TTYH2: variants seen among roughly 807,000 people sequenced by gnomAD.
TTYH2 encodes protein tweety homolog 2.
In TTYH2, 49 loss-of-function variants were observed where a neutral mutation model predicts 68.3. That is an observed-to-expected ratio of 0.72 (90% CI 0.57 to 0.91). TTYH2 has a LOEUF of 0.91. Ranked by LOEUF, TTYH2 falls within the 40% of genes least tolerant of loss-of-function variation. TTYH2 has a pLI of 0.00. For missense variants in TTYH2, 631 were observed against 700.4 expected, an observed-to-expected ratio of 0.90 and a Z score of 1.12; for synonymous variants, 272 against 300.8, an observed-to-expected ratio of 0.90 and a Z score of 0.99.
At chr17:74,223,903 C>T (rs1479748670) in intron 2 of TTYH2, among the ~76,000 whole-genome samples, 1 of 152,196 alleles carries the variant, frequency 6.6e-6, no homozygotes, top group Non-Finnish European at 1.5e-5. Context: ...TAGTGGGAGG[C>T]TCACCTAAGC....
At chr17:74,247,352 A>G (rs2050569579) in intron 6 of TTYH2, among the ~76,000 whole-genome samples, 1 of 152,126 alleles carries the variant, frequency 6.6e-6, no homozygotes, top group African/African-American at 2.4e-5. Context: ...CACACACACA[A>G]GGGCATCACA....
intron 4 of TTYH2, among the ~76,000 whole-genome samples, chr17:74,238,967 T>A (rs115831078): frequency 0.01 from 1,538 of 151,888 alleles, 27 homozygotes; most frequent in African/African-American, 0.036. Context: ...CACCTCAGCC[T>A]CCCAAAGTCC....
chr17:74,248,482 T>C, intron 6 of TTYH2: 1 of 988,542 alleles, frequency 1.0e-6, no homozygotes, highest in Non-Finnish European at 1.2e-6. Context: ...CACCCAAGGC[T>C]CACAGATGCT....
intron 13 of TTYH2, among the ~76,000 whole-genome samples, chr17:74,256,678 A>T (rs765978399): frequency 6.9e-6 from 1 of 144,316 alleles, no homozygotes; most frequent in Non-Finnish European, 1.5e-5. Flanking sequence ...GAGACAGAGT[A>T]TCACTCTGTG....
chr17:74,240,066 G>A (rs1370801961), intron 4 of TTYH2, among the ~76,000 whole-genome samples: 1 of 152,172 alleles, frequency 6.6e-6, no homozygotes, highest in South Asian at 2.1e-4. Context: ...TGGAAGGATG[G>A]TGTCAACTGC....
At chr17:74,255,338 C>T (rs1364998266) in intron 13 of TTYH2, among the ~76,000 whole-genome samples, 1 of 152,346 alleles carries the variant, frequency 6.6e-6, no homozygotes, top group East Asian at 1.9e-4. Flanking sequence ...GTTATCAGAG[C>T]GTACGTGCGA....
At chr17:74,258,528 A>G (rs2050715526) in intron 13 of TTYH2, among the ~76,000 whole-genome samples, 1 of 151,940 alleles carries the variant, frequency 6.6e-6, no homozygotes, top group Non-Finnish European at 1.5e-5. Context: ...CGGCTTCCCA[A>G]AGTGCTGGGA....
chr17:74,233,611 C>T (rs2050412146), intron 3 of TTYH2, among the ~76,000 whole-genome samples: 1 of 152,138 alleles, frequency 6.6e-6, no homozygotes. Context: ...CAACAAGAAG[C>T]CCTCTAGGGA....
At chr17:74,253,639 G>T in intron 12 of TTYH2, 116 bp from the exon 13 acceptor site, 1 of 958,794 alleles carries the variant, frequency 1.0e-6, no homozygotes, top group Non-Finnish European at 1.7e-6. Context: ...CTCTATCTGT[G>T]GTTTGGTTCC....
intron 10 of TTYH2, 193 bp from the exon 11 acceptor site, chr17:74,252,041 G>A (rs745973687): frequency 2.9e-5 from 19 of 656,914 alleles, no homozygotes; most frequent in African/African-American, 1.5e-4. Flanking sequence ...TGTTTCCAGC[G>A]TGAACCCAAG....
intron 12 of TTYH2, 48 bp from the exon 13 acceptor site, chr17:74,253,703 ACACC>A: frequency 6.3e-7 from 1 of 1,580,754 alleles, no homozygotes; most frequent in South Asian, 1.1e-5. Flanking sequence ...AAATCTACAC[ACACC>A]CCCACTCCCA....
chr17:74,233,100 A>G (rs1361659825), intron 3 of TTYH2, among the ~76,000 whole-genome samples: 1 of 152,084 alleles, frequency 6.6e-6, no homozygotes, highest in Non-Finnish European at 1.5e-5. Context: ...AAGTGAGGTC[A>G]GGAGTCCCAG....
chr17:74,253,176 G>A lies in TTYH2; in HGVS notation c.1355G>A (p.Ser452Asn), dbSNP rs146332173. Reference protein sequence around the residue: ...AHSPPRGQLHSFCSYSSGLGS... With the variant: ...AHSPPRGQLHNFCSYSSGLGS... ...AGTCCCCCGAGGGGACAGCTTCACA[G>A]CTTCTGCAGCTACAGCAGTGGCCTG... Residue 452 changes from serine (S) to asparagine (N), a missense_variant, in exon 12 of 14, where the codon AGC becomes AAC. Coordinates refer to ENST00000269346, the MANE Select transcript of TTYH2 (RefSeq NM_032646.6). The A allele has an allele frequency of 7.7e-5, 125 of 1,613,910 alleles. No individual in the cohort carries two copies. The highest frequency in any genetic ancestry group is 1.0e-4 in the Non-Finnish European group (120 of 1,179,990).
chr17:74,253,371 T>C (rs1371100837), intron 12 of TTYH2, 105 bp downstream of exon 12: 1 of 1,365,792 alleles, frequency 7.3e-7, no homozygotes, highest in African/African-American at 1.5e-5. Flanking sequence ...AGGCCACCCG[T>C]GGTCCCCACT....
intron 6 of TTYH2, among the ~76,000 whole-genome samples, chr17:74,245,878 CCT>C (rs1460307013): frequency 1.3e-5 from 2 of 152,098 alleles, no homozygotes; most frequent in Non-Finnish European, 2.9e-5. Flanking sequence ...ATTGACAAGG[CCT>C]CCCTTCCCCA....
At chr17:74,229,048 G>A (rs564408742) in intron 2 of TTYH2, among the ~76,000 whole-genome samples, 1 of 152,300 alleles carries the variant, frequency 6.6e-6, no homozygotes, top group Non-Finnish European at 1.5e-5. Context: ...TCCAGGGGGT[G>A]AGTGGTTTAA....
intron 13 of TTYH2, chr17:74,256,760 T>C (rs981457403): frequency 1.3e-5 from 2 of 152,292 alleles, no homozygotes; most frequent in African/African-American, 4.8e-5. Context: ...GCAATTCTCA[T>C]GCCTCAGCCT....
chr17:74,230,426 A>G (rs560360848), intron 2 of TTYH2, among the ~76,000 whole-genome samples: 1 of 152,072 alleles, frequency 6.6e-6, no homozygotes, highest in South Asian at 2.1e-4. Context: ...GTCCAAACCT[A>G]TAGAATGTGC....
chr17:74,248,312 C>T (rs1019957463), intron 6 of TTYH2: 42 of 985,830 alleles, frequency 4.3e-5, no homozygotes, highest in Middle Eastern at 5.2e-4. Context: ...TCCTTGCTGC[C>T]GCCTCTCCTG....
Sources: gnomAD v4.1 joint callset for allele counts (sites outside exome capture counted in the v4.1 genomes callset) on GRCh38, gnomAD v4.1.1 for gene constraint, MANE v1.5 for transcripts, NCBI Gene and HGNC (gene_info 2026-07-23, HGNC 2026-07-21) for gene names.